EDEM3: variants seen among roughly 807,000 people sequenced by gnomAD.
The protein encoded by EDEM3 is ER degradation enhancing alpha-mannosidase like protein 3, also known as ER degradation-enhancing alpha-mannosidase-like protein 3.
A neutral mutation model predicts 110.2 loss-of-function variants in EDEM3; 60 were observed. The ratio of observed to expected loss-of-function variants is 0.54; its 90% confidence interval spans 0.44 to 0.67. EDEM3 has a LOEUF of 0.67. Among genes scored for constraint, EDEM3 ranks in the 30% least tolerant of loss-of-function variants. The probability of loss-of-function intolerance (pLI) is 0.00; values close to 1 mark genes in which losing one functional copy is unlikely to be tolerated. For missense variants in EDEM3, 996 were observed against 1,121.0 expected, an observed-to-expected ratio of 0.89 and a Z score of 1.59; for synonymous variants, 352 against 382.9, an observed-to-expected ratio of 0.92 and a Z score of 0.94.
At chr1:184,718,469 A>G (rs1392627402) in intron 11 of EDEM3, among the ~76,000 whole-genome samples, 1 of 152,108 alleles carries the variant, frequency 6.6e-6, no homozygotes, top group Non-Finnish European at 1.5e-5. Flanking sequence ...ATACTTTCCA[A>G]AACAAACACT....
At chr1:184,733,161 CAG>C (rs1212376389) in intron 5 of EDEM3, among the ~76,000 whole-genome samples, 171 bp from the exon 6 acceptor site, 2 of 152,146 alleles carry the variant, frequency 1.3e-5, no homozygotes. Context: ...ATTACAATTA[CAG>C]AGTCAATATA....
intron 9 of EDEM3, chr1:184,720,939 A>T (rs922415319): frequency 5.8e-5 from 11 of 191,032 alleles, no homozygotes. Context: ...AACTTCCAAG[A>T]TTTCAAAAAG....
At chr1:184,708,424 T>A in intron 16 of EDEM3, 80 bp from the exon 17 acceptor site, 1 of 1,428,140 alleles carries the variant, frequency 7.0e-7, no homozygotes, top group Non-Finnish European at 9.6e-7. Context: ...GACACTGTAC[T>A]GTAGTATTCT....
Position 184,722,138 on chromosome 1 carries a change from G to A in EDEM3, c.854-752C>T, listed in dbSNP as rs570781018. Among the ~76,000 whole-genome samples, 220 of 152,006 alleles carry A rather than the reference G, an allele frequency of 1.4e-3. 2 individuals carry two copies. Among genetic ancestry groups the A allele is most frequent in the Middle Eastern group, 6.8e-3 (2 of 294 alleles). On this transcript the variant is annotated intron_variant, in intron 8 of 19. Coordinates refer to ENST00000318130, the MANE Select transcript of EDEM3 (RefSeq NM_025191.4). ...TATGCTATACAAGCACATACATGCT[G>A]GTACGTTACCATGAAAATAATAGTT... is the stretch of plus-strand genomic sequence containing the variant.
chr1:184,731,539 C>T (rs183894159), intron 6 of EDEM3, among the ~76,000 whole-genome samples: 217 of 152,288 alleles, frequency 1.4e-3, no homozygotes, highest in Middle Eastern at 3.4e-3. Flanking sequence ...TACACTACTT[C>T]ACGGTTCTCC....
intron 8 of EDEM3, among the ~76,000 whole-genome samples, chr1:184,723,200 C>A (rs113488126): frequency 2.6e-5 from 4 of 151,904 alleles, no homozygotes; most frequent in African/African-American, 4.8e-5. Context: ...GTAGTACATG[C>A]CCGGCACTGT....
At chr1:184,745,675 T>C (rs1401707586) in intron 2 of EDEM3, among the ~76,000 whole-genome samples, 1 of 152,204 alleles carries the variant, frequency 6.6e-6, no homozygotes, top group Non-Finnish European at 1.5e-5. Context: ...AAAGAGTTCC[T>C]TTGGTTTGAT....
Position 184,721,358 on chromosome 1 carries a change from T to C in EDEM3, c.882A>G (p.Ser294=). 6.2e-7 allele frequency: 1 copy of C among 1,606,898 alleles called. No homozygotes were observed. Among genetic ancestry groups the C allele is most frequent in the Non-Finnish European group, 8.5e-7 (1 of 1,177,790 alleles). Residue 294 remains serine (S), a synonymous_variant, in exon 9 of 20, where the codon TCA becomes TCG. Transcript: ENST00000318130. The part of the protein sequence containing the change: ...KDSGVGAGID[S]YYEYLLKAYV... ...AGGCTTTCAACAGATATTCATAATA[T>C]GAATCAATCCCTGCTCCAACTCCAC...
At chr1:184,738,922 C>T (rs1430579831) in intron 2 of EDEM3, among the ~76,000 whole-genome samples, 2 of 152,020 alleles carry the variant, frequency 1.3e-5, no homozygotes, top group Non-Finnish European at 2.9e-5. Flanking sequence ...TTCAAGCATG[C>T]TTAAAAGGAT....
intron 19 of EDEM3, among the ~76,000 whole-genome samples, chr1:184,700,872 T>C (rs1368736545): frequency 6.6e-6 from 1 of 152,044 alleles, no homozygotes; most frequent in Non-Finnish European, 1.5e-5. Context: ...CTAATTAATA[T>C]AGCTGTACAG....
rs1288928500 is a variant in EDEM3, at chr1:184,732,706, T to C, written c.612+131A>G. On this transcript the variant is annotated intron_variant, in intron 6 of 19. Transcript: ENST00000318130. ...GTTAATTGAAATGAAAATATAAATT[T>C]GTTATATAGCTTTGAAGCATTTTTT... The C allele has an allele frequency of 3.9e-6, 3 of 778,874 alleles. No individual in the cohort carries two copies. In the South Asian group the frequency reaches 7.3e-5, roughly 19 times the overall value. The allele number at this position is 778,874 out of a possible 1,614,324, so 48.2% of individuals were successfully genotyped here.
chr1:184,701,674 G>T (rs1649628672), intron 19 of EDEM3: 1 of 498,152 alleles, frequency 2.0e-6, no homozygotes, highest in African/African-American at 2.0e-5. Context: ...TCTGAGTTTA[G>T]AAAAGGGCCC....
chr1:184,715,431 AACT>A (rs1164288619), intron 13 of EDEM3, among the ~76,000 whole-genome samples: 4 of 152,200 alleles, frequency 2.6e-5, no homozygotes, highest in Non-Finnish European at 4.4e-5. Flanking sequence ...CTTATTCACT[AACT>A]ACAAGTCATG....
At chr1:184,744,885 A>G (rs1406599651) in intron 2 of EDEM3, among the ~76,000 whole-genome samples, 3 of 152,170 alleles carry the variant, frequency 2.0e-5, no homozygotes, top group Non-Finnish European at 4.4e-5. Flanking sequence ...AAGACTATGT[A>G]CTGTATGATG....
intron 2 of EDEM3, among the ~76,000 whole-genome samples, chr1:184,740,144 T>C (rs11804210): frequency 0.14 from 20,793 of 152,174 alleles, 2,152 homozygotes; most frequent in African/African-American, 0.29. Flanking sequence ...TTCTGAAACA[T>C]TCCTCTAAAA....
rs981305067 is a variant in EDEM3, at chr1:184,710,535, G to C, written c.1704C>G (p.Phe568Leu). 8.1e-6 allele frequency: 13 copies of C among 1,611,212 alleles called. No homozygotes were observed. The African/African-American group carries it at 1.7e-4, about 22-fold the overall frequency. ...PRGIIRVEES[F>L]RSGAKPPLRA... ...TCAGAGGGGGTTTAGCTCCACTCCT[G>C]AAACTCTCCTCTCTGCTAAAAGTAA... Residue 568 changes from phenylalanine (F) to leucine (L), a missense_variant, in exon 16 of 20, where the codon TTC becomes TTG. Around this residue, in one of 5 missense-constraint regions of EDEM3, gnomAD observed 138 missense variants for 124.3 expected, o/e 1.11. Coordinates refer to ENST00000318130, the MANE Select transcript of EDEM3 (RefSeq NM_025191.4).
chr1:184,749,987 CATT>C (rs1216727495), intron 1 of EDEM3, among the ~76,000 whole-genome samples: 2 of 152,036 alleles, frequency 1.3e-5, no homozygotes, highest in South Asian at 2.1e-4. Flanking sequence ...TTAAAAAAAC[CATT>C]ATTATTGCCA....
chr1:184,719,782 A>G (rs1418423367), intron 9 of EDEM3, among the ~76,000 whole-genome samples: 3 of 152,248 alleles, frequency 2.0e-5, no homozygotes, highest in African/African-American at 7.2e-5. Flanking sequence ...CATGCAGACT[A>G]TTAAAGACTA....
intron 6 of EDEM3, 99 bp from the exon 7 acceptor site, chr1:184,726,488 A>G: frequency 7.7e-7 from 1 of 1,296,346 alleles, no homozygotes; most frequent in South Asian, 1.5e-5. Flanking sequence ...AATCATGAAA[A>G]TAATTCATAA....
Sources: gnomAD v4.1 joint callset for allele counts (sites outside exome capture counted in the v4.1 genomes callset) on GRCh38, gnomAD v4.1.1 for gene constraint, gnomAD v4.1.1 regional missense constraint, MANE v1.5 for transcripts, NCBI Gene and HGNC (gene_info 2026-07-23, HGNC 2026-07-21) for gene names.